The following CLNK variants were observed in gnomAD, a reference collection of about 807,000 sequenced individuals.
CLNK encodes the protein cytokine-dependent hematopoietic cell linker.
A neutral mutation model predicts 68.6 loss-of-function variants in CLNK; 74 were observed. The observed-to-expected ratio is 1.08, with a 90% CI of 0.89 to 1.31. The LOEUF is 1.31. Ranked by LOEUF, CLNK falls within the 50% of genes most tolerant of loss-of-function variation. CLNK has a pLI of 0.00. For missense variants in CLNK, 553 were observed against 515.3 expected, an observed-to-expected ratio of 1.07 and a Z score of -0.71; for synonymous variants, 198 against 172.2, an observed-to-expected ratio of 1.15 and a Z score of -1.17.
chr4:10,520,502 AATT>A (rs886145205), intron 15 of CLNK, among the ~76,000 whole-genome samples: 62 of 152,228 alleles, frequency 4.1e-4, no homozygotes, highest in African/African-American at 1.5e-3. Context: ...AAGACAGAGC[AATT>A]TCAGTCTTAT....
intron 4 of CLNK, among the ~76,000 whole-genome samples, chr4:10,583,947 C>T (rs549803254): frequency 6.6e-6 from 1 of 152,332 alleles, no homozygotes; most frequent in Admixed American, 6.5e-5. Flanking sequence ...AGAATATTCT[C>T]TTCCCTCCAG....
chr4:10,610,058 T>C (rs1328236878), intron 2 of CLNK, among the ~76,000 whole-genome samples: 3 of 121,862 alleles, frequency 2.5e-5, no homozygotes, highest in South Asian at 3.1e-4. Flanking sequence ...TTTTTTTTTT[T>C]TTTTTTTTTT....
intron 4 of CLNK, among the ~76,000 whole-genome samples, chr4:10,573,702 C>T (rs1720439571): frequency 6.6e-6 from 1 of 152,136 alleles, no homozygotes; most frequent in African/African-American, 2.4e-5. Flanking sequence ...GAAAATTGGC[C>T]TCAAGGAGTG....
intron 18 of CLNK, among the ~76,000 whole-genome samples, chr4:10,499,771 CA>C (rs1414693713): frequency 2.0e-5 from 3 of 152,122 alleles, no homozygotes; most frequent in African/African-American, 7.2e-5. Flanking sequence ...TGCTTTCTCC[CA>C]CGACCCCTCT....
the CLNK span, among the ~76,000 whole-genome samples, chr4:10,699,494 C>CTCTCTCTCTATATA: frequency 7.9e-4 from 45 of 56,970 alleles, no homozygotes; most frequent in African/African-American, 2.6e-3. Flanking sequence ...CTCTCTCTCT[C>CTCTCTCTCTATATA]TATATATATA....
At chr4:10,657,169 G>A (rs1002775973) in intron 2 of CLNK, among the ~76,000 whole-genome samples, 2 of 152,090 alleles carry the variant, frequency 1.3e-5, no homozygotes, top group South Asian at 4.2e-4. Flanking sequence ...ATCAAAACTC[G>A]GCAGTCTGGG....
intron 8 of CLNK, among the ~76,000 whole-genome samples, chr4:10,552,805 C>A (rs1719513208): frequency 6.6e-6 from 1 of 152,180 alleles, no homozygotes; most frequent in African/African-American, 2.4e-5. Context: ...GTGCCCTGGT[C>A]TCTCTTTATG....
At position 10,523,396 on chromosome 4, in the gene CLNK, G is replaced by C. The variant is rs954750588; in HGVS notation, c.731+2445C>G. Reference sequence around the variant, plus strand: ...TGATTTGCAGAAGATAGGGATTTGGGAATTATCAACATGGGGTTGAAGTTT... The same window carrying C: ...TGATTTGCAGAAGATAGGGATTTGGCAATTATCAACATGGGGTTGAAGTTT... On this transcript the variant is annotated intron_variant, in intron 14 of 18. Coordinates refer to ENST00000226951, the MANE Select transcript of CLNK (RefSeq NM_052964.4). Among the ~76,000 whole-genome samples the C allele has an allele frequency of 5.3e-5, 8 of 152,262 alleles. No homozygotes were observed. The South Asian group carries it at 1.5e-3, about 28-fold the overall frequency.
At chr4:10,567,761 AG>A (rs1366774299) in intron 5 of CLNK, among the ~76,000 whole-genome samples, 4 of 152,248 alleles carry the variant, frequency 2.6e-5, no homozygotes, top group African/African-American at 7.2e-5. Context: ...AAGTGGGAAA[AG>A]GATATGAATG....
chr4:10,494,743 G>A (rs1010789047), intron 18 of CLNK, among the ~76,000 whole-genome samples: 7 of 152,198 alleles, frequency 4.6e-5, no homozygotes, highest in Non-Finnish European at 7.3e-5. Context: ...ACAGGCGTGA[G>A]CCCCCGCGCC....
intron 11 of CLNK, among the ~76,000 whole-genome samples, chr4:10,539,158 C>A (rs1364712040): frequency 1.3e-5 from 2 of 152,084 alleles, no homozygotes; most frequent in African/African-American, 2.4e-5. Context: ...CCATTTGAAT[C>A]GAGACTTGAG....
intron 2 of CLNK, among the ~76,000 whole-genome samples, chr4:10,629,730 TG>T (rs2108867891): frequency 6.6e-6 from 1 of 151,358 alleles, no homozygotes; most frequent in African/African-American, 2.4e-5. Context: ...TTATAGAGTT[TG>T]GGGGGAAGGC....
chr4:10,502,692 T>A (rs185998024), intron 17 of CLNK, among the ~76,000 whole-genome samples: 34 of 152,108 alleles, frequency 2.2e-4, no homozygotes, highest in Non-Finnish European at 4.1e-4. Context: ...TATGCAGAAT[T>A]AGGGTTCCTG....
At chr4:10,490,699 A>C (rs550176670) in intron 18 of CLNK, 86 bp from the exon 19 acceptor site, 4 of 1,103,524 alleles carry the variant, frequency 3.6e-6, no homozygotes, top group Non-Finnish European at 5.2e-6. Context: ...TTCATTTTGC[A>C]TGGGGAAGAG....
At chr4:10,635,649 A>T (rs541933854) in intron 2 of CLNK, 1 of 152,330 alleles carries the variant, frequency 6.6e-6, no homozygotes, top group Non-Finnish European at 1.5e-5. Flanking sequence ...CTCTGTATGA[A>T]TCTAGATACA....
chr4:10,555,923 G>T (rs1417550735), intron 8 of CLNK, among the ~76,000 whole-genome samples: 1 of 152,126 alleles, frequency 6.6e-6, no homozygotes, highest in East Asian at 1.9e-4. Flanking sequence ...GATGGTAATG[G>T]GGAACCATCA....
intron 6 of CLNK, among the ~76,000 whole-genome samples, chr4:10,565,495 ATTC>A (rs1339041842): frequency 6.6e-6 from 1 of 152,138 alleles, no homozygotes; most frequent in Non-Finnish European, 1.5e-5. Context: ...AGGTCCTCTT[ATTC>A]TTAACAATTG....
chr4:10,528,134 A>G, intron 12 of CLNK, 40 bp from the exon 13 acceptor site: 1 of 1,083,662 alleles, frequency 9.2e-7, no homozygotes, highest in Non-Finnish European at 1.2e-6. Context: ...CTGACTCTTG[A>G]TGACAGAGAA....
At chr4:10,690,870 G>T in the CLNK span, among the ~76,000 whole-genome samples, 2 of 151,994 alleles carry the variant, frequency 1.3e-5, no homozygotes, top group Non-Finnish European at 2.9e-5. Flanking sequence ...CGGAGGCCAT[G>T]GGAGCAGGTA....
Sources: allele counts gnomAD v4.1 joint callset (sites outside exome capture counted in the v4.1 genomes callset), GRCh38; gene constraint gnomAD v4.1.1; transcripts MANE v1.5; gene names NCBI Gene and HGNC (gene_info 2026-07-23, HGNC 2026-07-21).